CSMD1: variants seen among roughly 807,000 people sequenced by gnomAD.
CSMD1 encodes CUB and Sushi multiple domains 1, also known as CUB and sushi domain-containing protein 1.
In CSMD1, 213 loss-of-function variants were observed where a neutral mutation model predicts 417.5. That is an observed-to-expected ratio of 0.51 (90% CI 0.46 to 0.57). CSMD1 has a LOEUF of 0.57. CSMD1 is among the 20% of genes least tolerant of loss of function. CSMD1 has a pLI of 0.00. For missense variants in CSMD1, 6,923 were observed against 4,529.7 expected (o/e 1.53, Z -15.17); for synonymous variants, 2,862 against 1,736.8 (o/e 1.65, Z -16.11).
At chr8:4,294,266 A>G (rs1797542350) in intron 3 of CSMD1, among the ~76,000 whole-genome samples, 1 of 152,182 alleles carries the variant, frequency 6.6e-6, no homozygotes, top group East Asian at 1.9e-4. Context: ...GTGACAAACA[A>G]TCACCTATGA....
chr8:3,540,014 G>C lies in CSMD1; in HGVS notation c.1344+34931C>G, dbSNP rs73505716. Among the ~76,000 whole-genome samples the C allele has an allele frequency of 4.4e-3, 669 of 152,196 alleles. 8 individuals are homozygous for C. Among genetic ancestry groups the C allele is most frequent in the African/African-American group, 0.015 (606 of 41,512 alleles). Reference sequence around the variant, plus strand: ...TTATATTTGCATCTCCAGTAAAACAGGGCTGCTTCTGTTGTGTCTGCTGCT... The same window carrying C: ...TTATATTTGCATCTCCAGTAAAACACGGCTGCTTCTGTTGTGTCTGCTGCT... On this transcript the variant is annotated intron_variant, in intron 10 of 69. Coordinates refer to ENST00000635120, the MANE Select transcript of CSMD1 (RefSeq NM_033225.6).
At chr8:3,065,488 T>C (rs1047835706) in intron 49 of CSMD1, among the ~76,000 whole-genome samples, 2 of 151,712 alleles carry the variant, frequency 1.3e-5, no homozygotes, top group African/African-American at 4.8e-5. Flanking sequence ...AATAGGAAGA[T>C]AGATATATAT....
intron 5 of CSMD1, among the ~76,000 whole-genome samples, chr8:3,924,511 G>C (rs971610799): frequency 6.6e-6 from 1 of 152,070 alleles, no homozygotes; most frequent in Non-Finnish European, 1.5e-5. Flanking sequence ...TTCACTTGAT[G>C]GTTTCCCAGA....
At chr8:4,676,355 C>G (rs1042467920) in intron 1 of CSMD1, among the ~76,000 whole-genome samples, 1 of 152,152 alleles carries the variant, frequency 6.6e-6, no homozygotes, top group African/African-American at 2.4e-5. Flanking sequence ...CCCTGAACTG[C>G]ACCACTGCCC....
intron 8 of CSMD1, among the ~76,000 whole-genome samples, chr8:3,610,937 A>G (rs1208185560): frequency 6.6e-6 from 1 of 151,968 alleles, no homozygotes. Flanking sequence ...ATTTCGCACC[A>G]GTCAAGCAAC....
At chr8:4,250,502 T>A (rs1280606420) in intron 3 of CSMD1, among the ~76,000 whole-genome samples, 2 of 152,190 alleles carry the variant, frequency 1.3e-5, no homozygotes, top group Non-Finnish European at 2.9e-5. Context: ...GTAATGACTC[T>A]TGGTGGAATT....
At chr8:3,748,982 T>C (rs1797188557) in intron 6 of CSMD1, among the ~76,000 whole-genome samples, 1 of 152,200 alleles carries the variant, frequency 6.6e-6, no homozygotes, top group South Asian at 2.1e-4. Context: ...AGAAAATCAA[T>C]GGGAATTTCA....
chr8:3,559,505 A>G (rs2116851247), intron 10 of CSMD1, among the ~76,000 whole-genome samples: 1 of 152,296 alleles, frequency 6.6e-6, no homozygotes, highest in Non-Finnish European at 1.5e-5. Flanking sequence ...AAGAAGAAGA[A>G]CGAGGAGGAG....
intron 5 of CSMD1, among the ~76,000 whole-genome samples, chr8:3,950,633 TC>T (rs1811538770): frequency 6.6e-6 from 1 of 152,202 alleles, no homozygotes; most frequent in African/African-American, 2.4e-5. Flanking sequence ...ACGTGTTTGA[TC>T]TTTTTCTTCA....
chr8:3,953,930 A>C (rs1811750304), intron 5 of CSMD1, among the ~76,000 whole-genome samples: 1 of 152,164 alleles, frequency 6.6e-6, no homozygotes, highest in Non-Finnish European at 1.5e-5. Context: ...CGGCCCTGGC[A>C]AGGGTGGCTC....
chr8:4,475,274 T>A (rs1471652731), intron 2 of CSMD1, among the ~76,000 whole-genome samples: 1 of 152,166 alleles, frequency 6.6e-6, no homozygotes, highest in Non-Finnish European at 1.5e-5. Context: ...CATTTCTATA[T>A]CCATAATAGT....
intron 5 of CSMD1, among the ~76,000 whole-genome samples, chr8:3,811,756 T>C (rs909713262): frequency 4.6e-5 from 7 of 152,248 alleles, no homozygotes; most frequent in African/African-American, 1.4e-4. Flanking sequence ...GGAACCTCCA[T>C]GGACAATAGC....
chr8:3,514,335 A>G (rs1797199557), intron 10 of CSMD1, among the ~76,000 whole-genome samples: 2 of 152,266 alleles, frequency 1.3e-5, no homozygotes, highest in South Asian at 4.1e-4. Flanking sequence ...TAGGTGGCTG[A>G]TCTCCCTGGT....
At chr8:3,755,970 A>C (rs1797632964) in intron 5 of CSMD1, among the ~76,000 whole-genome samples, 1 of 152,012 alleles carries the variant, frequency 6.6e-6, no homozygotes, top group African/African-American at 2.4e-5. Context: ...CCACATACTT[A>C]TTTGCCTAAT....
At chr8:4,071,007 G>A (rs1799526781) in intron 3 of CSMD1, among the ~76,000 whole-genome samples, 1 of 152,138 alleles carries the variant, frequency 6.6e-6, no homozygotes, top group African/African-American at 2.4e-5. Context: ...TCCATTTTCT[G>A]TGGCTGCTTT....
chr8:3,538,649 T>C (rs1351949837), intron 10 of CSMD1, among the ~76,000 whole-genome samples: 2 of 152,256 alleles, frequency 1.3e-5, no homozygotes, highest in Non-Finnish European at 2.9e-5. Context: ...TTTCCTCTTT[T>C]TGTTGCCAGA....
intron 3 of CSMD1, among the ~76,000 whole-genome samples, chr8:4,185,852 C>T (rs1252103610): frequency 2.6e-5 from 4 of 152,140 alleles, no homozygotes; most frequent in Non-Finnish European, 5.9e-5. Flanking sequence ...ATGAACAGAG[C>T]AACCGTTCTT....
intron 1 of CSMD1, among the ~76,000 whole-genome samples, chr8:4,742,026 TTTTTTTTTTTTTTTTTTTTTTTG>T (rs1398207330): frequency 1.9e-4 from 16 of 85,272 alleles, no homozygotes; most frequent in East Asian, 1.2e-3. Flanking sequence ...TTTTTTTTTT[TTTTTTTTTTTTTTTTTTTTTTTG>T]AGACGGAGTC....
At chr8:3,961,870 A>T (rs142175913) in intron 5 of CSMD1, among the ~76,000 whole-genome samples, 4 of 152,296 alleles carry the variant, frequency 2.6e-5, no homozygotes, top group African/African-American at 7.2e-5. Flanking sequence ...TTTAGTCCTA[A>T]AACAGCGCAT....
Sources: gnomAD v4.1 joint callset for allele counts (sites outside exome capture counted in the v4.1 genomes callset) on GRCh38, gnomAD v4.1.1 for gene constraint, MANE v1.5 for transcripts, NCBI Gene and HGNC (gene_info 2026-07-23, HGNC 2026-07-21) for gene names.